The following DCP1A variants were observed in gnomAD, a reference collection of about 807,000 sequenced individuals.
DCP1A encodes the protein mRNA-decapping enzyme 1A.
A neutral mutation model predicts 58.0 loss-of-function variants in DCP1A; 20 were observed. The ratio of observed to expected loss-of-function variants is 0.34; its 90% confidence interval spans 0.24 to 0.50. The LOEUF (loss-of-function observed/expected upper bound fraction) is 0.50, where lower values mean the gene tolerates loss of function less well. Ranked by LOEUF, DCP1A falls within the 20% of genes least tolerant of loss-of-function variation. The pLI, the probability that DCP1A is intolerant of heterozygous loss-of-function variation, is 0.98. For synonymous variants in DCP1A, 285 were observed against 275.1 expected, an observed-to-expected ratio of 1.04 and a Z score of -0.36; for missense variants, 613 against 712.2, an observed-to-expected ratio of 0.86 and a Z score of 1.59.
At chr3:53,320,911 G>T (rs1333546546) in intron 3 of DCP1A, among the ~76,000 whole-genome samples, 1 of 152,246 alleles carries the variant, frequency 6.6e-6, no homozygotes, top group African/African-American at 2.4e-5. Context: ...CAAGCTGGTT[G>T]TAATGAGATC....
intron 2 of DCP1A, among the ~76,000 whole-genome samples, 187 bp downstream of exon 2, chr3:53,344,715 A>C (rs1201110683): frequency 6.6e-6 from 1 of 152,170 alleles, no homozygotes; most frequent in Non-Finnish European, 1.5e-5. Context: ...AGTTCAGTTT[A>C]TTCTGAATCA....
chr3:53,336,853 T>G (rs569695314), intron 3 of DCP1A, among the ~76,000 whole-genome samples: 2 of 76,510 alleles, frequency 2.6e-5, no homozygotes, highest in Non-Finnish European at 3.5e-5. Flanking sequence ...CAGATTTATT[T>G]ATTTATTTAT....
intron 3 of DCP1A, among the ~76,000 whole-genome samples, chr3:53,324,982 G>A (rs1708069685): frequency 1.3e-5 from 2 of 151,586 alleles, no homozygotes; most frequent in South Asian, 4.2e-4. Context: ...TGTTTCCTTT[G>A]CTTTTCAAAT....
At chr3:53,334,746 G>A (rs2089080597) in intron 3 of DCP1A, among the ~76,000 whole-genome samples, 1 of 152,152 alleles carries the variant, frequency 6.6e-6, no homozygotes, top group Non-Finnish European at 1.5e-5. Flanking sequence ...AAAACCAGTT[G>A]TCTGCTTTTA....
intron 3 of DCP1A, 127 bp downstream of exon 3, chr3:53,342,017 C>A (rs545296600): frequency 2.4e-6 from 2 of 820,430 alleles, no homozygotes; most frequent in South Asian, 3.6e-5. Context: ...CCAACAGACT[C>A]ATTTATAATC....
intron 8 of DCP1A, among the ~76,000 whole-genome samples, chr3:53,290,314 C>T (rs1321358431): frequency 6.6e-6 from 1 of 152,152 alleles, no homozygotes; most frequent in Non-Finnish European, 1.5e-5. Flanking sequence ...CCACCTGGGA[C>T]ATCACAGCTC....
intron 3 of DCP1A, among the ~76,000 whole-genome samples, chr3:53,341,613 T>C (rs1255597728): frequency 1.3e-5 from 2 of 152,220 alleles, no homozygotes; most frequent in East Asian, 3.8e-4. Context: ...TAAACCTTAT[T>C]TTAATAAACC....
chr3:53,317,760 C>T (rs1209362931), intron 4 of DCP1A, among the ~76,000 whole-genome samples: 2 of 152,090 alleles, frequency 1.3e-5, no homozygotes, highest in African/African-American at 2.4e-5. Context: ...AAAAACAAAG[C>T]GTGGCTCTTT....
At chr3:53,301,851 C>T (rs1707321201) in intron 6 of DCP1A, among the ~76,000 whole-genome samples, 1 of 152,190 alleles carries the variant, frequency 6.6e-6, no homozygotes, top group South Asian at 2.1e-4. Context: ...GAAAGACAAT[C>T]TCAAGAGGTT....
At chr3:53,326,726 G>A (rs1346834714) in intron 3 of DCP1A, among the ~76,000 whole-genome samples, 1 of 152,208 alleles carries the variant, frequency 6.6e-6, no homozygotes, top group Non-Finnish European at 1.5e-5. Context: ...CTGTTTAGAT[G>A]CAGGAAAACA....
intron 6 of DCP1A, among the ~76,000 whole-genome samples, chr3:53,298,535 A>G (rs1283946378): frequency 6.6e-6 from 1 of 152,234 alleles, no homozygotes; most frequent in African/African-American, 2.4e-5. Flanking sequence ...CATCTGCTAG[A>G]GTAGGTAAAT....
chr3:53,286,985 G>A lies in DCP1A; in HGVS notation c.*595C>T, dbSNP rs926978713. The A allele has an allele frequency of 5.3e-5, 8 of 152,218 alleles. No homozygotes were observed. The highest frequency in any genetic ancestry group is 4.6e-4 in the Admixed American group (7 of 15,272). The allele number at this position is 152,218 out of a possible 1,614,324, so 9.4% of individuals were successfully genotyped here. A position where few individuals can be genotyped will look rare whatever the true frequency, so the allele number is the denominator to read the frequency against. ...GGACTGGGGCACTTAAAAACAAAAT[G>A]CTATTAAGAAATTTCACAACTTTTA... is the stretch of plus-strand genomic sequence containing the variant. On this transcript the variant is annotated 3_prime_UTR_variant, in exon 10 of 10. Transcript: ENST00000610213.
intron 3 of DCP1A, among the ~76,000 whole-genome samples, chr3:53,326,982 C>CA (rs1559700215): frequency 2.7e-5 from 4 of 146,632 alleles, no homozygotes; most frequent in African/African-American, 1.1e-4. Flanking sequence ...TCCAACCCCC[C>CA]CCCCCCAACT....
rs75351315 is a variant in DCP1A at position 53,287,515 on chromosome 3, T to C, written c.*65A>G. ...TCAAACTCAATGTTCTGCTCAGAAG[T>C]TTCCATGATGAAGCCTATTTGTCTC... On this transcript the variant is annotated 3_prime_UTR_variant, in exon 10 of 10. Transcript: ENST00000610213. The C allele has an allele frequency of 4.4e-3, 4,806 of 1,099,046 alleles. 146 individuals are homozygous for C. In the African/African-American group the frequency reaches 0.066, roughly 15 times the overall value. The allele number at this position is 1,099,046 out of a possible 1,614,324, so 68.1% of individuals were successfully genotyped here.
chr3:53,340,648 A>G (rs2089188851), intron 3 of DCP1A, among the ~76,000 whole-genome samples: 1 of 151,006 alleles, frequency 6.6e-6, no homozygotes, highest in Non-Finnish European at 1.5e-5. Context: ...CTCCAACTAT[A>G]TCCTTAGATG....
intron 7 of DCP1A, among the ~76,000 whole-genome samples, chr3:53,291,235 T>C (rs1321340194): frequency 3.6e-5 from 4 of 111,822 alleles, no homozygotes; most frequent in Non-Finnish European, 6.5e-5. Context: ...ATTTATGAGG[T>C]ATATGAAATG....
rs140952050 is a variant in DCP1A, at chr3:53,339,204, C to CAA, written c.304+2939_304+2940insTT. On this transcript the variant is annotated intron_variant, in intron 3 of 9. Transcript: ENST00000610213. ...AGACTATGTAGACAAAACACACACT[C>CAA]GAGAGGGCTTAACACTCACAAAATC... is the stretch of plus-strand genomic sequence containing the variant. Among the ~76,000 whole-genome samples the CAA allele has an allele frequency of 1.0e-2, 1,517 of 152,300 alleles. 19 individuals are homozygous for CAA. The highest frequency in any genetic ancestry group is 0.034 in the African/African-American group (1,401 of 41,572).
chr3:53,302,759 G>A (rs1553687544), intron 6 of DCP1A, among the ~76,000 whole-genome samples: 1 of 151,882 alleles, frequency 6.6e-6, no homozygotes, highest in Non-Finnish European at 1.5e-5. Context: ...GAATAGCTGG[G>A]ATTACTGGTG....
At chr3:53,342,732 T>C (rs1553692687) in intron 2 of DCP1A, among the ~76,000 whole-genome samples, 1 of 152,262 alleles carries the variant, frequency 6.6e-6, no homozygotes, top group East Asian at 1.9e-4. Flanking sequence ...CTATCCTTTT[T>C]AATGCTCCCA....
Sources: allele counts gnomAD v4.1 joint callset (sites outside exome capture counted in the v4.1 genomes callset), GRCh38; gene constraint gnomAD v4.1.1; transcripts MANE v1.5; gene names NCBI Gene and HGNC (gene_info 2026-07-23, HGNC 2026-07-21).